Variants in ABTB2 observed in about 807,000 individuals in gnomAD.
The protein encoded by ABTB2 is ankyrin repeat and BTB/POZ domain-containing protein 2.
ABTB2 carries 56 observed loss-of-function variants against 104.1 expected under a neutral mutation model. The observed-to-expected ratio is 0.54, with a 90% confidence interval of 0.43 to 0.67. The LOEUF is 0.67. ABTB2 is among the 30% of genes least tolerant of loss of function. The pLI is 0.00. For missense variants in ABTB2, 1,279 were observed against 1,407.7 expected (o/e 0.91, Z 1.46); for synonymous variants, 606 against 608.2 (o/e 1.00, Z 0.05).
chr11:34,181,392 C>T (rs537141961), intron 3 of ABTB2, among the ~76,000 whole-genome samples: 6 of 152,266 alleles, frequency 3.9e-5, no homozygotes, highest in South Asian at 4.2e-4. Flanking sequence ...TGTTCTTCCC[C>T]GGGGTAGGCA....
rs970503285 is a variant in ABTB2 at position 34,252,107 on chromosome 11, G to A, written c.884-47417C>T. Among the ~76,000 whole-genome samples, 21 of 152,154 alleles carry A rather than the reference G, an allele frequency of 1.4e-4. No homozygotes were observed. The highest frequency in any genetic ancestry group is 1.2e-3 in the Admixed American group (18 of 15,278). ...AGCTGCAAAACTCACAGCAAGGCCCGGATGGTGGTTCGGAGTTCATGCTCC... is the reference window on the plus strand; with the variant it reads ...AGCTGCAAAACTCACAGCAAGGCCCAGATGGTGGTTCGGAGTTCATGCTCC... On this transcript the variant is annotated intron_variant, in intron 1 of 16. Coordinates refer to ENST00000435224, the MANE Select transcript of ABTB2 (RefSeq NM_145804.3). This position sits in a 1 kb window ranked among gnomAD's most constrained non-coding sequence, Gnocchi z 5.5.
chr11:34,212,216 TC>T (rs1853489362), intron 1 of ABTB2, among the ~76,000 whole-genome samples: 1 of 151,916 alleles, frequency 6.6e-6, no homozygotes, highest in Non-Finnish European at 1.5e-5. Flanking sequence ...ACCACCATGC[TC>T]GGCTAATTTT....
At chr11:34,187,563 T>C (rs1412144632) in intron 3 of ABTB2, among the ~76,000 whole-genome samples, 1 of 150,674 alleles carries the variant, frequency 6.6e-6, no homozygotes, top group Non-Finnish European at 1.5e-5. Context: ...GTTGGTGAGA[T>C]CATAGCTCAC....
At chr11:34,332,934 G>A (rs1855149480) in intron 1 of ABTB2, among the ~76,000 whole-genome samples, 1 of 152,164 alleles carries the variant, frequency 6.6e-6, no homozygotes, top group African/African-American at 2.4e-5. Context: ...GGTGAGCACT[G>A]GGGAAATGCC....
rs746589283 is a variant in ABTB2 at position 34,356,939 on chromosome 11, C to T, written c.645G>A (p.Val215=). 1 of 1,600,592 alleles carries T rather than the reference C, an allele frequency of 6.2e-7. No individual in the cohort carries two copies. The highest frequency in any genetic ancestry group is 1.1e-5 in the South Asian group (1 of 88,950). Reference sequence around the variant, plus strand: ...GGATGCGCACGGAGATTCGGGTGTCCACCATCCAGCGGAAAAAGCGACCCA... The same window carrying T: ...GGATGCGCACGGAGATTCGGGTGTCTACCATCCAGCGGAAAAAGCGACCCA... ...FSVGRFFRWM[V]DTRISVRIHE... Residue 215 remains valine, a synonymous_variant, in exon 1 of 17, where the codon GTG becomes GTA. Transcript: ENST00000435224. The surrounding 1 kb of genome is among the most constrained non-coding windows in gnomAD (Gnocchi z 4.6).
At chr11:34,169,604 C>T (rs1290519780) in intron 5 of ABTB2, among the ~76,000 whole-genome samples, 3 of 152,156 alleles carry the variant, frequency 2.0e-5, no homozygotes, top group Non-Finnish European at 2.9e-5. Context: ...AGAAGGAAGA[C>T]TCCACTGGGA....
At chr11:34,161,781 T>C (rs1852724135) in intron 10 of ABTB2, among the ~76,000 whole-genome samples, 1 of 152,178 alleles carries the variant, frequency 6.6e-6, no homozygotes, top group Non-Finnish European at 1.5e-5. Flanking sequence ...CCAACCTCAC[T>C]GTGGATCAAA....
intron 1 of ABTB2, among the ~76,000 whole-genome samples, chr11:34,322,852 A>AT (rs1201056966): frequency 3.3e-5 from 5 of 151,852 alleles, no homozygotes; most frequent in Admixed American, 6.6e-5. Flanking sequence ...TAATTTTTGT[A>AT]TTTTTTTGTA....
At chr11:34,241,283 C>T (rs1326212081) in intron 1 of ABTB2, among the ~76,000 whole-genome samples, 3 of 152,012 alleles carry the variant, frequency 2.0e-5, no homozygotes, top group Non-Finnish European at 4.4e-5. Context: ...AAGGCCTAAA[C>T]GAGGGGAAAA....
intron 1 of ABTB2, among the ~76,000 whole-genome samples, chr11:34,261,743 T>C (rs559539927): frequency 6.6e-6 from 1 of 152,352 alleles, no homozygotes; most frequent in East Asian, 1.9e-4. Context: ...TTTTACTCTT[T>C]TAAAAAACGC....
intron 1 of ABTB2, among the ~76,000 whole-genome samples, chr11:34,262,374 G>A (rs932998646): frequency 6.6e-6 from 1 of 152,172 alleles, no homozygotes; most frequent in African/African-American, 2.4e-5. Context: ...CAGATGTAAA[G>A]GAACCCGCTT....
chr11:34,170,429 T>G (rs1852856947), intron 5 of ABTB2, among the ~76,000 whole-genome samples: 1 of 152,232 alleles, frequency 6.6e-6, no homozygotes, highest in African/African-American at 2.4e-5. Flanking sequence ...CCTACCCATT[T>G]TCATGCTTCA....
At chr11:34,248,088 AT>A in intron 1 of ABTB2, among the ~76,000 whole-genome samples, 1 of 78,376 alleles carries the variant, frequency 1.3e-5, no homozygotes, top group East Asian at 2.9e-4. Context: ...CTTATCTATA[AT>A]TTTTCTTAAA....
chr11:34,229,010 T>G (rs1190392219), intron 1 of ABTB2, among the ~76,000 whole-genome samples: 2 of 150,092 alleles, frequency 1.3e-5, no homozygotes, highest in African/African-American at 4.9e-5. Context: ...TCCCAGCTAC[T>G]CGGGAGGCTG....
Position 34,152,361 on chromosome 11 carries a change from G to A in ABTB2, c.*26C>T, listed in dbSNP as rs144645011. On this transcript the variant is annotated 3_prime_UTR_variant, in exon 17 of 17. Coordinates refer to ENST00000435224, the MANE Select transcript of ABTB2 (RefSeq NM_145804.3). Reference sequence around the variant, plus strand: ...GGGCCCTGGCACCTCCACAGGCCCTGGCCTCGGCAGCCTCCGCCCCCTGCC... The same window carrying A: ...GGGCCCTGGCACCTCCACAGGCCCTAGCCTCGGCAGCCTCCGCCCCCTGCC... 30 of 1,544,346 alleles carry A rather than the reference G, an allele frequency of 1.9e-5. 1 individual carries two copies. The highest frequency in any genetic ancestry group is 2.4e-5 in the Non-Finnish European group (27 of 1,144,694).
chr11:34,356,753 G>A lies in ABTB2; in HGVS notation c.831C>T (p.Leu277=). 6.2e-7 allele frequency: 1 copy of A among 1,611,552 alleles called. No homozygotes were observed. Among genetic ancestry groups the A allele is most frequent in the Non-Finnish European group, 8.5e-7 (1 of 1,178,724 alleles). ...GCTCATAGGGCTGCAAGACGCCCCAGAGCTCGGCGTCGTTGTTGATGACCA... is the reference window on the plus strand; with the variant it reads ...GCTCATAGGGCTGCAAGACGCCCCAAAGCTCGGCGTCGTTGTTGATGACCA... The part of the protein sequence containing the change: ...LEMVINNDAE[L]WGVLQPYEHL... Residue 277 remains leucine (L), a synonymous_variant, in exon 1 of 17, where the codon CTC becomes CTT. Transcript: ENST00000435224. This position sits in a 1 kb window ranked among gnomAD's most constrained non-coding sequence, Gnocchi z 4.6.
At chr11:34,303,618 T>C (rs1188163730) in intron 1 of ABTB2, among the ~76,000 whole-genome samples, 1 of 147,254 alleles carries the variant, frequency 6.8e-6, no homozygotes, top group Non-Finnish European at 1.5e-5. Context: ...TCCCCCTATC[T>C]ACAAAGAACT....
At chr11:34,329,408 C>T (rs990092308) in intron 1 of ABTB2, among the ~76,000 whole-genome samples, 3 of 152,240 alleles carry the variant, frequency 2.0e-5, no homozygotes, top group East Asian at 3.8e-4. Flanking sequence ...AGCATCTTCT[C>T]TCCACAGCAT....
chr11:34,298,624 G>A (rs973462509), intron 1 of ABTB2, among the ~76,000 whole-genome samples: 2 of 151,970 alleles, frequency 1.3e-5, no homozygotes, highest in Non-Finnish European at 1.5e-5. Context: ...CACCATGCCC[G>A]GCTAATTTTT....
Sources: allele counts gnomAD v4.1 joint callset (sites outside exome capture counted in the v4.1 genomes callset), GRCh38; gene constraint gnomAD v4.1.1; non-coding constraint Gnocchi (gnomAD v3.1); transcripts MANE v1.5; gene names NCBI Gene and HGNC (gene_info 2026-07-23, HGNC 2026-07-21).